MYO5B: variants seen among roughly 807,000 people sequenced by gnomAD.
MYO5B encodes myosin VB.
Under a neutral mutation model 229.3 loss-of-function variants are expected in MYO5B, and 143 were observed. That is an observed-to-expected ratio of 0.62 (90% CI 0.54 to 0.72). MYO5B has a LOEUF of 0.72. Among genes scored for constraint, MYO5B ranks in the 30% least tolerant of loss-of-function variants. MYO5B has a pLI of 0.00. For synonymous variants in MYO5B, 918 were observed against 885.2 expected, an observed-to-expected ratio of 1.04 and a Z score of -0.66; for missense variants, 2,321 against 2,331.0, an observed-to-expected ratio of 1.00 and a Z score of 0.09.
chr18:50,139,248 C>T (rs373604859), intron 1 of MYO5B, among the ~76,000 whole-genome samples: 1 of 152,306 alleles, frequency 6.6e-6, no homozygotes, highest in East Asian at 1.9e-4. Context: ...GGCCAGGACC[C>T]TCTCCCAACT....
At chr18:50,088,448 C>G (rs1210146282) in intron 1 of MYO5B, among the ~76,000 whole-genome samples, 1 of 152,164 alleles carries the variant, frequency 6.6e-6, no homozygotes, top group Non-Finnish European at 1.5e-5. Context: ...GTAAAACCAC[C>G]AATGTGAAAT....
At chr18:49,869,652 G>A (rs1467060920) in intron 27 of MYO5B, among the ~76,000 whole-genome samples, 3 of 152,202 alleles carry the variant, frequency 2.0e-5, no homozygotes, top group Non-Finnish European at 4.4e-5. Flanking sequence ...CTAAATGAGA[G>A]GAGGAGTTTT....
intron 1 of MYO5B, among the ~76,000 whole-genome samples, chr18:50,148,272 C>T (rs1322568300): frequency 6.8e-6 from 1 of 147,822 alleles, no homozygotes; most frequent in Admixed American, 6.7e-5. Flanking sequence ...GGAACTGGTA[C>T]CATTCCTTCT....
At chr18:49,938,810 C>G (rs991534030) in intron 14 of MYO5B, among the ~76,000 whole-genome samples, 2 of 152,134 alleles carry the variant, frequency 1.3e-5, no homozygotes, top group African/African-American at 4.8e-5. Context: ...ATACCCCCAC[C>G]CCTTTCTCTT....
chr18:49,837,019 AG>A (rs2023995754), intron 37 of MYO5B, 134 bp from the exon 38 acceptor site: 1 of 857,950 alleles, frequency 1.2e-6, no homozygotes, highest in Non-Finnish European at 1.9e-6. Context: ...AAGCATGGCA[AG>A]TGCCTTGCAC....
At chr18:50,024,198 A>G (rs569049909) in intron 4 of MYO5B, among the ~76,000 whole-genome samples, 6 of 152,344 alleles carry the variant, frequency 3.9e-5, no homozygotes, top group East Asian at 1.9e-4. Flanking sequence ...GAGTGAGCAT[A>G]TATTAATCCC....
At position 50,171,513 on chromosome 18, in the gene MYO5B, T is replaced by C. The variant is rs1245052542; in HGVS notation, c.27+23254A>G. Among the ~76,000 whole-genome samples the C allele has an allele frequency of 1.6e-5, 2 of 126,822 alleles. 1 individual carries two copies. Among genetic ancestry groups the C allele is most frequent in the Admixed American group, 1.7e-4 (2 of 11,946 alleles). 83.2% of individuals were successfully genotyped at this position (126,822 alleles called of 152,430 possible). ...AAAACTCAAGGTACATTCAGACGAT[T>C]ATGAGTGGGCTGATTCTGCTGGGGA... On this transcript the variant is annotated intron_variant, in intron 1 of 39. Transcript: ENST00000285039.
rs2026417172 is a variant in MYO5B, at chr18:50,033,797, C to G, written c.455+3053G>C. On this transcript the variant is annotated intron_variant, in intron 4 of 39. Coordinates refer to ENST00000285039, the MANE Select transcript of MYO5B (RefSeq NM_001080467.3). ...TCTTCACTGTGAATCTGCATTCACC[C>G]TCAAGCCCAGACTTGGTGAATATGA... 2.0e-5 allele frequency among the ~76,000 whole-genome samples: 3 copies of G among 152,058 alleles called. No individual in the cohort carries two copies. The South Asian group carries it at 6.2e-4, about 32-fold the overall frequency.
At chr18:49,936,646 C>T (rs771181486) in intron 15 of MYO5B, among the ~76,000 whole-genome samples, 2 of 152,132 alleles carry the variant, frequency 1.3e-5, no homozygotes, top group African/African-American at 2.4e-5. Context: ...TGGGCAAATA[C>T]TGTAGGAGAG....
At chr18:49,985,855 C>G (rs1412388503) in intron 7 of MYO5B, among the ~76,000 whole-genome samples, 1 of 152,170 alleles carries the variant, frequency 6.6e-6, no homozygotes, top group Non-Finnish European at 1.5e-5. Context: ...TCCTTCAACA[C>G]CTGTCCTTGC....
intron 39 of MYO5B, among the ~76,000 whole-genome samples, chr18:49,830,829 CAAAAAA>C (rs59785909): frequency 4.1e-5 from 3 of 72,950 alleles, no homozygotes; most frequent in African/African-American, 1.1e-4. Flanking sequence ...GACTCTGTCT[CAAAAAA>C]AAAAAAAAAA....
At position 49,992,291 on chromosome 18, in the gene MYO5B, G is replaced by A; in HGVS notation, c.753C>T (p.Phe251=). Residue 251 remains phenylalanine, a synonymous_variant, in exon 6 of 40, where the codon TTC becomes TTT. Transcript: ENST00000285039. ...GGGCGCAAATCCTCCCACTCACCTGGAAGACCACTCTGGACTTCTCCAAGA... is the reference window on the plus strand; with the variant it reads ...GGGCGCAAATCCTCCCACTCACCTGAAAGACCACTCTGGACTTCTCCAAGA... ...TYLLEKSRVV[F]QADDERNYHI... is the part of the protein sequence containing the mutation. 1 of 1,614,160 alleles carries A rather than the reference G, an allele frequency of 6.2e-7. No homozygotes were observed.
intron 18 of MYO5B, among the ~76,000 whole-genome samples, chr18:49,908,831 T>C (rs1174121708): frequency 6.6e-6 from 1 of 152,224 alleles, no homozygotes; most frequent in Admixed American, 6.5e-5. Context: ...GAATTCAGTA[T>C]GTATCTGTGG....
At position 49,863,266 on chromosome 18, in the gene MYO5B, TCCTCCTGGTCAA is replaced by T. The variant is rs2024353640; in HGVS notation, c.3893_3904del (p.Val1298_Glu1301del). 1 of 1,613,636 alleles carries T rather than the reference TCCTCCTGGTCAA, an allele frequency of 6.2e-7. No homozygotes were observed. The highest frequency in any genetic ancestry group is 8.5e-7 in the Non-Finnish European group (1 of 1,180,002). On this transcript the variant is annotated inframe_deletion, in exon 29 of 40. Coordinates refer to ENST00000285039, the MANE Select transcript of MYO5B (RefSeq NM_001080467.3). Reference sequence around the variant, plus strand: ...GACCCCGTGATAGGCCTCAATGGCATCCTCCTGGTCAACATGCTTTTCACTGTTAGGCCAACT... The same window carrying T: ...GACCCCGTGATAGGCCTCAATGGCATCATGCTTTTCACTGTTAGGCCAACT...
At chr18:49,992,929 G>A (rs1021788478) in intron 5 of MYO5B, among the ~76,000 whole-genome samples, 3 of 152,124 alleles carry the variant, frequency 2.0e-5, no homozygotes, top group Non-Finnish European at 2.9e-5. Context: ...AGTTCTACAT[G>A]AGCAGGCAGT....
At chr18:50,115,569 C>G (rs1033405939) in intron 1 of MYO5B, among the ~76,000 whole-genome samples, 13 of 151,840 alleles carry the variant, frequency 8.6e-5, no homozygotes, top group Non-Finnish European at 2.9e-5. Context: ...CACACACACA[C>G]ACACACACAC....
intron 4 of MYO5B, among the ~76,000 whole-genome samples, chr18:50,034,259 T>C (rs1454526636): frequency 6.6e-6 from 1 of 152,194 alleles, no homozygotes; most frequent in African/African-American, 2.4e-5. Flanking sequence ...TGACAAGTAC[T>C]GTTGAATGAA....
chr18:50,083,862 T>C (rs1397587164), intron 1 of MYO5B, among the ~76,000 whole-genome samples: 1 of 152,114 alleles, frequency 6.6e-6, no homozygotes, highest in Non-Finnish European at 1.5e-5. Flanking sequence ...GCCATCCCAG[T>C]CCACCCCAAG....
At chr18:50,056,808 T>C (rs1185641928) in intron 1 of MYO5B, among the ~76,000 whole-genome samples, 1 of 151,558 alleles carries the variant, frequency 6.6e-6, no homozygotes, top group African/African-American at 2.4e-5. Flanking sequence ...GTCTCTAATA[T>C]ACTATGGAAC....
Sources: gnomAD v4.1 joint callset for allele counts (sites outside exome capture counted in the v4.1 genomes callset) on GRCh38, gnomAD v4.1.1 for gene constraint, MANE v1.5 for transcripts, NCBI Gene and HGNC (gene_info 2026-07-23, HGNC 2026-07-21) for gene names.